Variants in AKT3 observed in about 807,000 individuals in gnomAD.
AKT3 encodes RAC-gamma serine/threonine-protein kinase.
A neutral mutation model predicts 65.3 loss-of-function variants in AKT3; 15 were observed. The observed-to-expected ratio is 0.23, with a 90% confidence interval of 0.15 to 0.35. The LOEUF (loss-of-function observed/expected upper bound fraction) is 0.35, where lower values mean the gene tolerates loss of function less well. Among genes scored for constraint, AKT3 ranks in the 10% least tolerant of loss-of-function variants. The pLI, the probability that AKT3 is intolerant of heterozygous loss-of-function variation, is 1.00. For missense variants in AKT3, 243 were observed against 576.5 expected (o/e 0.42, Z 5.92); for synonymous variants, 206 against 183.8 (o/e 1.12, Z -0.98).
At chr1:243,522,699 G>A (rs1670795884) in intron 12 of AKT3, among the ~76,000 whole-genome samples, 1 of 151,842 alleles carries the variant, frequency 6.6e-6, no homozygotes, top group Non-Finnish European at 1.5e-5. Context: ...AAAAAACTTG[G>A]GACCTGTTTC....
chr1:243,801,138 G>C (rs1335238726), intron 2 of AKT3, among the ~76,000 whole-genome samples: 1 of 152,126 alleles, frequency 6.6e-6, no homozygotes, highest in Non-Finnish European at 1.5e-5. Flanking sequence ...AAATTAAAAT[G>C]AGCTACTAGC....
chr1:243,535,155 T>TTTTAAAATATATTTAAA (rs1553398009), intron 12 of AKT3, among the ~76,000 whole-genome samples: 10 of 131,378 alleles, frequency 7.6e-5, no homozygotes, highest in East Asian at 2.0e-4. Context: ...TTTTAAAATA[T>TTTTAAAATATATTTAAA]ATTTTAAAAT....
intron 9 of AKT3, among the ~76,000 whole-genome samples, chr1:243,569,360 T>C (rs999359601): frequency 3.9e-5 from 6 of 152,210 alleles, no homozygotes; most frequent in African/African-American, 1.2e-4. Context: ...CCAATACCAG[T>C]ACAATTTTAT....
chr1:243,537,818 A>G (rs1431246811), intron 12 of AKT3, among the ~76,000 whole-genome samples: 1 of 152,178 alleles, frequency 6.6e-6, no homozygotes, highest in African/African-American at 2.4e-5. Flanking sequence ...CAGTTCCTCC[A>G]GTCAGCATAT....
chr1:243,573,723 C>T (rs1674727511), intron 8 of AKT3, among the ~76,000 whole-genome samples: 1 of 152,102 alleles, frequency 6.6e-6, no homozygotes, highest in South Asian at 2.1e-4. Flanking sequence ...AGCTACAATG[C>T]CAGTCCTTTC....
chr1:243,552,315 A>AAAG (rs1673137745), intron 11 of AKT3, among the ~76,000 whole-genome samples: 1 of 150,148 alleles, frequency 6.7e-6, no homozygotes, highest in Non-Finnish European at 1.5e-5. Context: ...AAAAAAAAAA[A>AAAG]TGCAATTAGA....
intron 2 of AKT3, among the ~76,000 whole-genome samples, chr1:243,737,469 C>G (rs1687909583): frequency 6.6e-6 from 1 of 151,948 alleles, no homozygotes; most frequent in Admixed American, 6.6e-5. Flanking sequence ...CAGCATTTAT[C>G]AAAGTGTGGG....
At chr1:243,822,966 A>C (rs1007261688) in intron 2 of AKT3, among the ~76,000 whole-genome samples, 6 of 152,132 alleles carry the variant, frequency 3.9e-5, no homozygotes, top group Non-Finnish European at 8.8e-5. Context: ...AACCCAGGAG[A>C]GATGAAACAA....
intron 12 of AKT3, among the ~76,000 whole-genome samples, chr1:243,527,350 C>A (rs1267755557): frequency 1.3e-5 from 2 of 152,106 alleles, no homozygotes; most frequent in African/African-American, 4.8e-5. Context: ...TGAAGGAAAT[C>A]TCTGAAAGAT....
chr1:243,752,278 A>G (rs1307038845), intron 2 of AKT3, among the ~76,000 whole-genome samples: 2 of 152,212 alleles, frequency 1.3e-5, no homozygotes, highest in African/African-American at 2.4e-5. Context: ...TGACATAACA[A>G]TTTTAAATAG....
chr1:243,517,603 T>C (rs1036631709), intron 12 of AKT3, among the ~76,000 whole-genome samples: 13 of 152,232 alleles, frequency 8.5e-5, no homozygotes, highest in African/African-American at 3.1e-4. Context: ...CTTCATATGA[T>C]TTAATATAGC....
intron 4 of AKT3, among the ~76,000 whole-genome samples, chr1:243,662,709 TAATAAATA>T (rs1018945987): frequency 6.7e-6 from 1 of 150,366 alleles, no homozygotes. Context: ...AGTATAATAA[TAATAAATA>T]AAATAAAATA....
chr1:243,660,137 G>T (rs1448238344), intron 4 of AKT3, among the ~76,000 whole-genome samples: 1 of 151,890 alleles, frequency 6.6e-6, no homozygotes. Flanking sequence ...GTAAGCTATT[G>T]ATTATTGCCA....
At chr1:243,704,740 T>C (rs1685684014) in intron 2 of AKT3, among the ~76,000 whole-genome samples, 1 of 152,164 alleles carries the variant, frequency 6.6e-6, no homozygotes, top group African/African-American at 2.4e-5. Context: ...AGCAAGGCAA[T>C]AGCTTTACTA....
rs143140171 is a variant in AKT3, at chr1:243,819,620, T to G, written c.46+23505A>C. Among the ~76,000 whole-genome samples the G allele has an allele frequency of 1.8e-4, 27 of 152,294 alleles. No individual in the cohort carries two copies. The East Asian group carries it at 4.3e-3, about 24-fold the overall frequency. The stretch of plus-strand genomic sequence containing the variant: ...AGGAGTGTGACAATCCCCAGCACAG[T>G]GCATCCCCTCCGCCAAGGGACAGCT... On this transcript the variant is annotated intron_variant, in intron 2 of 13. Coordinates refer to ENST00000673466, the MANE Select transcript of AKT3 (RefSeq NM_005465.7).
At chr1:243,601,713 C>T (rs763877885) in intron 8 of AKT3, among the ~76,000 whole-genome samples, 23 of 151,956 alleles carry the variant, frequency 1.5e-4, no homozygotes, top group South Asian at 4.1e-4. Context: ...CATCACACAA[C>T]GGAGCAAAGC....
intron 2 of AKT3, among the ~76,000 whole-genome samples, chr1:243,805,159 T>C (rs1226874660): frequency 6.6e-6 from 1 of 152,160 alleles, no homozygotes; most frequent in Non-Finnish European, 1.5e-5. Flanking sequence ...ACAGAGAACA[T>C]CACAACCATC....
intron 2 of AKT3, among the ~76,000 whole-genome samples, chr1:243,777,408 T>C (rs374479847): frequency 6.6e-6 from 1 of 152,160 alleles, no homozygotes; most frequent in South Asian, 2.1e-4. Context: ...GTCCACAGCA[T>C]GGGTGTTGGG....
Position 243,504,545 on chromosome 1 carries a change from TC to T in AKT3, c.*703del, listed in dbSNP as rs1439275396. On this transcript the variant is annotated 3_prime_UTR_variant, in exon 14 of 14. Coordinates refer to ENST00000673466, the MANE Select transcript of AKT3 (RefSeq NM_005465.7). ...CCTTCAGTTCTTGGTAGAACAGTGT[TC>T]ACTTGCTCATGATTGCCCGTGAAGT... 3 of 189,120 alleles carry T rather than the reference TC, an allele frequency of 1.6e-5. No homozygotes were observed. Among genetic ancestry groups the T allele is most frequent in the Non-Finnish European group, 3.3e-5 (3 of 89,826 alleles). The allele number at this position is 189,120 out of a possible 1,614,324, so 11.7% of individuals were successfully genotyped here. A position where few individuals can be genotyped will look rare whatever the true frequency, so the allele number is the denominator to read the frequency against.
Sources: allele counts gnomAD v4.1 joint callset (sites outside exome capture counted in the v4.1 genomes callset), GRCh38; gene constraint gnomAD v4.1.1; transcripts MANE v1.5; gene names NCBI Gene and HGNC (gene_info 2026-07-23, HGNC 2026-07-21).